The following FRYL variants were observed in gnomAD, a reference collection of about 807,000 sequenced individuals.
FRYL encodes FRY like transcription coactivator, also known as protein furry homolog-like.
In FRYL, 150 loss-of-function variants were observed where a neutral mutation model predicts 351.2. The observed-to-expected ratio is 0.43, with a 90% CI of 0.37 to 0.49. The LOEUF (loss-of-function observed/expected upper bound fraction) is 0.49. FRYL is among the 20% of genes least tolerant of loss of function. The pLI is 0.00. For missense variants in FRYL, 3,036 were observed against 3,619.3 expected, an observed-to-expected ratio of 0.84 and a Z score of 4.13; for synonymous variants, 1,153 against 1,257.1, an observed-to-expected ratio of 0.92 and a Z score of 1.75.
chr4:48,737,222 C>A (rs2096350086), intron 1 of FRYL, among the ~76,000 whole-genome samples: 1 of 142,878 alleles, frequency 7.0e-6, no homozygotes, highest in Non-Finnish European at 1.5e-5. Flanking sequence ...CATGCCACTG[C>A]ACTCCAGCCT....
At chr4:48,771,446 T>C (rs1254144860) in intron 1 of FRYL, among the ~76,000 whole-genome samples, 1 of 152,222 alleles carries the variant, frequency 6.6e-6, no homozygotes, top group Non-Finnish European at 1.5e-5. Flanking sequence ...TAGATCTAAG[T>C]ATCCTAGTAT....
intron 47 of FRYL, among the ~76,000 whole-genome samples, chr4:48,536,687 C>T (rs1728963852): frequency 6.6e-6 from 1 of 152,184 alleles, no homozygotes; most frequent in African/African-American, 2.4e-5. Flanking sequence ...AGGCTAACCT[C>T]ATTGTCATTT....
At chr4:48,677,055 T>C (rs1352717865) in intron 3 of FRYL, among the ~76,000 whole-genome samples, 2 of 152,228 alleles carry the variant, frequency 1.3e-5, no homozygotes, top group Non-Finnish European at 2.9e-5. Flanking sequence ...TCTACAGGCA[T>C]TTAAAAATAT....
chr4:48,528,066 A>T (rs1257790474), intron 51 of FRYL, 21 bp from the exon 52 acceptor site: 3 of 1,559,328 alleles, frequency 1.9e-6, no homozygotes, highest in Non-Finnish European at 2.6e-6. Context: ...AAAAAAAATT[A>T]AAATGTTAGG....
At position 48,501,709 on chromosome 4, in the gene FRYL, A is replaced by G; in HGVS notation, c.8506T>C (p.Tyr2836His). The G allele has an allele frequency of 1.2e-6, 2 of 1,606,452 alleles. No individual in the cohort carries two copies. Among genetic ancestry groups the G allele is most frequent in the Non-Finnish European group, 1.7e-6 (2 of 1,173,542 alleles). ...LAELELCRRL[Y>H]KLHFQLLLLF... Reference sequence around the variant, plus strand: ...AGCAGCAATTGAAAATGCAATTTGTATAATCTTCGGCAGAGCTCCAATTCC... The same window carrying G: ...AGCAGCAATTGAAAATGCAATTTGTGTAATCTTCGGCAGAGCTCCAATTCC... The change falls in exon 62 of 64, where the codon TAC becomes CAC. Residue 2836 changes from tyrosine (Y) to histidine (H), a missense_variant. By Grantham distance (83) the Tyr-to-His change is moderately conservative. This residue lies in a region of FRYL where 1,987 missense variants were observed against 2,311.7 expected (regional missense o/e 0.86). Coordinates refer to ENST00000358350, the MANE Select transcript of FRYL (RefSeq NM_015030.2).
At chr4:48,560,993 C>T (rs1442800413) in intron 33 of FRYL, among the ~76,000 whole-genome samples, 1 of 152,174 alleles carries the variant, frequency 6.6e-6, no homozygotes, top group Non-Finnish European at 1.5e-5. Context: ...ATGTAGGCGA[C>T]AAGCAACATG....
At chr4:48,635,709 C>A (rs1754082688) in intron 3 of FRYL, among the ~76,000 whole-genome samples, 1 of 152,156 alleles carries the variant, frequency 6.6e-6, no homozygotes, top group Non-Finnish European at 1.5e-5. Context: ...CTATGTCGAT[C>A]CCATATCCTC....
At chr4:48,766,327 C>T (rs1175538130) in intron 1 of FRYL, among the ~76,000 whole-genome samples, 1 of 152,142 alleles carries the variant, frequency 6.6e-6, no homozygotes, top group African/African-American at 2.4e-5. Flanking sequence ...CTTTTACCTT[C>T]CTTCAAGACA....
chr4:48,672,077 ATCAAGAAG>A (rs1762849253), intron 3 of FRYL, among the ~76,000 whole-genome samples: 1 of 152,180 alleles, frequency 6.6e-6, no homozygotes, highest in Non-Finnish European at 1.5e-5. Flanking sequence ...CCAAATAAAA[ATCAAGAAG>A]TCTTTGTAAT....
At chr4:48,696,451 C>T (rs1446813748) in intron 2 of FRYL, among the ~76,000 whole-genome samples, 1 of 152,198 alleles carries the variant, frequency 6.6e-6, no homozygotes, top group African/African-American at 2.4e-5. Flanking sequence ...ACCGCATGTT[C>T]TCACTCATAA....
chr4:48,622,679 A>G (rs1038102479), intron 5 of FRYL, among the ~76,000 whole-genome samples: 1 of 152,228 alleles, frequency 6.6e-6, no homozygotes. Flanking sequence ...TTAAATACTT[A>G]TAACAAAATT....
chr4:48,770,768 T>C (rs1449198153), intron 1 of FRYL, among the ~76,000 whole-genome samples: 1 of 152,158 alleles, frequency 6.6e-6, no homozygotes, highest in East Asian at 1.9e-4. Flanking sequence ...ATTTATAGTA[T>C]ATAGTTTACA....
intron 23 of FRYL, 31 bp downstream of exon 23, chr4:48,578,942 T>A (rs1740270937): frequency 6.5e-7 from 1 of 1,541,382 alleles, no homozygotes; most frequent in Non-Finnish European, 8.7e-7. Flanking sequence ...AGTCTATACA[T>A]TTTTAAATTT....
intron 4 of FRYL, among the ~76,000 whole-genome samples, chr4:48,628,034 G>C (rs546626907): frequency 2.6e-4 from 39 of 152,322 alleles, no homozygotes; most frequent in African/African-American, 9.4e-4. Flanking sequence ...GCCTCCCAAA[G>C]TGCTGGGGTT....
rs1718762417 is a variant in FRYL at position 48,497,911 on chromosome 4, G to T, written c.*1511C>A. Reference sequence around the variant, plus strand: ...CATACGTAATTACATTTCTGGCAGGGTCCACACCCCCCAAGAAAAGGTAAA... The same window carrying T: ...CATACGTAATTACATTTCTGGCAGGTTCCACACCCCCCAAGAAAAGGTAAA... On this transcript the variant is annotated 3_prime_UTR_variant, in exon 64 of 64. Coordinates refer to ENST00000358350, the MANE Select transcript of FRYL (RefSeq NM_015030.2). 1 of 152,364 alleles carries T rather than the reference G, an allele frequency of 6.6e-6. No homozygotes were observed. The highest frequency in any genetic ancestry group is 1.5e-5 in the Non-Finnish European group (1 of 67,976). The allele number at this position is 152,364 out of a possible 1,614,324, so 9.4% of individuals were successfully genotyped here.
intron 15 of FRYL, among the ~76,000 whole-genome samples, chr4:48,595,011 G>A (rs533172916): frequency 3.5e-4 from 53 of 152,312 alleles, no homozygotes; most frequent in African/African-American, 1.2e-3. Context: ...AGTCTCTTTG[G>A]GAACTGGGAT....
intron 1 of FRYL, among the ~76,000 whole-genome samples, chr4:48,741,922 G>C (rs1271122439): frequency 6.6e-6 from 1 of 152,178 alleles, no homozygotes; most frequent in Non-Finnish European, 1.5e-5. Context: ...AAGCTACTTT[G>C]TATACTATAA....
intron 3 of FRYL, among the ~76,000 whole-genome samples, chr4:48,681,853 A>G (rs1578708437): frequency 6.6e-6 from 1 of 152,210 alleles, no homozygotes; most frequent in South Asian, 2.1e-4. Flanking sequence ...CATCAACATT[A>G]TATGTTTTTC....
At chr4:48,623,418 T>G (rs1202594789) in intron 4 of FRYL, among the ~76,000 whole-genome samples, 1 of 152,184 alleles carries the variant, frequency 6.6e-6, no homozygotes, top group Admixed American at 6.5e-5. Flanking sequence ...AAGAAAGTGG[T>G]TGTGCTCATC....
Sources: allele counts gnomAD v4.1 joint callset (sites outside exome capture counted in the v4.1 genomes callset), GRCh38; gene constraint gnomAD v4.1.1; regional missense constraint gnomAD v4.1.1; transcripts MANE v1.5; gene names NCBI Gene and HGNC (gene_info 2026-07-23, HGNC 2026-07-21).